TSEN2: variants seen among roughly 807,000 people sequenced by gnomAD.
The protein encoded by TSEN2 is tRNA splicing endonuclease subunit 2.
A neutral mutation model predicts 59.2 loss-of-function variants in TSEN2; 54 were observed. The observed-to-expected ratio is 0.91, with a 90% CI of 0.73 to 1.14. TSEN2 has a LOEUF of 1.14. Among genes scored for constraint, TSEN2 ranks in the 50% most tolerant of loss-of-function variants. The pLI, the probability that TSEN2 is intolerant of heterozygous loss-of-function variation, is 0.00. For synonymous variants in TSEN2, 195 were observed against 198.2 expected (o/e 0.98, Z 0.14); for missense variants, 636 against 576.2 (o/e 1.10, Z -1.06).
At chr3:12,499,985 T>A (rs1304109390) in intron 4 of TSEN2, among the ~76,000 whole-genome samples, 1 of 152,044 alleles carries the variant, frequency 6.6e-6, no homozygotes, top group African/African-American at 2.4e-5. Context: ...CCTGTGCAAA[T>A]GGGAGAGGTG....
intron 3 of TSEN2, among the ~76,000 whole-genome samples, chr3:12,493,210 T>C (rs1408448343): frequency 6.6e-6 from 1 of 152,262 alleles, no homozygotes; most frequent in African/African-American, 2.4e-5. Flanking sequence ...TTGGCTTTTC[T>C]GAATAATACT....
At chr3:12,511,429 A>T (rs137938087) in intron 6 of TSEN2, among the ~76,000 whole-genome samples, 1 of 152,340 alleles carries the variant, frequency 6.6e-6, no homozygotes, top group East Asian at 1.9e-4. Flanking sequence ...TGAAGAAAAG[A>T]TTCATGGTGT....
At chr3:12,519,387 A>G (rs1488329349) in intron 8 of TSEN2, among the ~76,000 whole-genome samples, 190 bp downstream of exon 8, 2 of 152,220 alleles carry the variant, frequency 1.3e-5, no homozygotes, top group Admixed American at 1.3e-4. Flanking sequence ...TCTAGGGAGA[A>G]GGCCTAGGAG....
intron 7 of TSEN2, among the ~76,000 whole-genome samples, chr3:12,517,165 GC>G (rs2056213229): frequency 6.6e-6 from 1 of 151,892 alleles, no homozygotes; most frequent in Non-Finnish European, 1.5e-5. Flanking sequence ...GGCTATCCTG[GC>G]TAACATGGTG....
downstream of TSEN2, among the ~76,000 whole-genome samples, chr3:12,538,131 AT>A (rs560699483): frequency 3.0e-4 from 45 of 152,340 alleles, 1 homozygote; most frequent in Admixed American, 6.5e-4. Flanking sequence ...ATTCTTTCCC[AT>A]TGACGTTAAC....
chr3:12,534,834 G>T (rs1298522253), downstream of TSEN2, among the ~76,000 whole-genome samples: 2 of 150,390 alleles, frequency 1.3e-5, no homozygotes, highest in African/African-American at 4.9e-5. Context: ...GATTAGCTGG[G>T]TGTGGTGGTG....
At chr3:12,505,763 G>A (rs1236058876) in intron 6 of TSEN2, among the ~76,000 whole-genome samples, 1 of 129,538 alleles carries the variant, frequency 7.7e-6, no homozygotes, top group Admixed American at 8.7e-5. Context: ...CAGCCTGGGT[G>A]ACAGAATGAA....
intron 10 of TSEN2, 77 bp downstream of exon 10, chr3:12,529,950 A>G: frequency 6.4e-7 from 1 of 1,566,194 alleles, no homozygotes. Flanking sequence ...ATGTAGTAGA[A>G]TCAAAAAAGT....
intron 1 of TSEN2, among the ~76,000 whole-genome samples, chr3:12,486,547 A>G (rs934897924): frequency 2.6e-5 from 4 of 152,246 alleles, no homozygotes; most frequent in Admixed American, 2.0e-4. Flanking sequence ...TTTTTAAAAT[A>G]GCTTTATTGA....
At chr3:12,515,691 T>G (rs2055993103) in intron 6 of TSEN2, among the ~76,000 whole-genome samples, 1 of 152,216 alleles carries the variant, frequency 6.6e-6, no homozygotes. Context: ...TAAGTGTGAC[T>G]ATATTCAACT....
intron 1 of TSEN2, among the ~76,000 whole-genome samples, chr3:12,485,864 T>C (rs1001938865): frequency 6.6e-6 from 1 of 152,232 alleles, no homozygotes; most frequent in East Asian, 1.9e-4. Flanking sequence ...GGAATGAGGA[T>C]AGTACAGTCA....
Position 12,539,349 on chromosome 3 carries a change from GTCTGGAAC to G in TSEN2, c.1452_1459del (p.Gly485Ter), listed in dbSNP as rs2057758221. 3.1e-6 allele frequency: 1 copy of G among 320,762 alleles called. No individual in the cohort carries two copies. Among genetic ancestry groups the G allele is most frequent in the Admixed American group, 4.7e-5 (1 of 21,376 alleles). 19.9% of individuals were successfully genotyped at this position (320,762 alleles called of 1,614,324 possible). A position where few individuals can be genotyped will look rare whatever the true frequency, so the allele number is the denominator to read the frequency against. ...GGGTTTCACTATGTTGGCCAGGCTG[GTCTGGAAC>G]TCCTGACCTCAAGTGATCTGCCCGC... On this transcript the variant is annotated frameshift_variant, in exon 11 of 11. Coordinates refer to the TSEN2 transcript ENST00000412698. LOFTEE classifies it high-confidence loss of function.
In TSEN2 at chr3:12,488,847, G is replaced by C. The variant is rs116503569; in HGVS notation, c.-17-937G>C. On this transcript the variant is annotated intron_variant, in intron 1 of 11. Transcript: ENST00000284995. ...GAATCTAGAGAGAGGGCATGGGCTT[G>C]GGAGTTCAACAGACCTGGGTCACCC... Among the ~76,000 whole-genome samples, 300 of 152,318 alleles carry C rather than the reference G, an allele frequency of 2.0e-3. 1 individual carries two copies. Among genetic ancestry groups the C allele is most frequent in the African/African-American group, 6.7e-3 (280 of 41,564 alleles).
chr3:12,483,807 C>G (rs2052314742), upstream of TSEN2, among the ~76,000 whole-genome samples: 1 of 152,222 alleles, frequency 6.6e-6, no homozygotes, highest in Non-Finnish European at 1.5e-5. Flanking sequence ...GAGAAACTTA[C>G]ACTTCCTATT....
intron 6 of TSEN2, among the ~76,000 whole-genome samples, chr3:12,506,359 C>T (rs2054834149): frequency 6.6e-6 from 1 of 152,050 alleles, no homozygotes; most frequent in African/African-American, 2.4e-5. Flanking sequence ...CTCTGGGAGG[C>T]CAAGGCAGGC....
chr3:12,488,463 T>G (rs1284511810), intron 1 of TSEN2, among the ~76,000 whole-genome samples: 2 of 151,870 alleles, frequency 1.3e-5, no homozygotes, highest in Non-Finnish European at 2.9e-5. Flanking sequence ...ACCATTTACA[T>G]TGTTTTCCCA....
intron 1 of TSEN2, among the ~76,000 whole-genome samples, chr3:12,485,921 T>G (rs1272671773): frequency 6.6e-6 from 1 of 151,632 alleles, no homozygotes; most frequent in Admixed American, 6.6e-5. Context: ...CAATGTTGCA[T>G]CAAAAATATT....
downstream of TSEN2, among the ~76,000 whole-genome samples, chr3:12,535,850 A>G (rs1264867212): frequency 2.0e-5 from 3 of 152,184 alleles, no homozygotes; most frequent in Non-Finnish European, 4.4e-5. Context: ...AGAATCAGAA[A>G]ACTCGGGTCC....
At chr3:12,506,564 G>A (rs1474070802) in intron 6 of TSEN2, 1 of 413,530 alleles carries the variant, frequency 2.4e-6, no homozygotes, top group Admixed American at 6.5e-5. Context: ...CACTGCACAA[G>A]CGAGATCCTG....
Sources: gnomAD v4.1 joint callset for allele counts (sites outside exome capture counted in the v4.1 genomes callset) on GRCh38, gnomAD v4.1.1 for gene constraint, MANE v1.5 for transcripts, NCBI Gene and HGNC (gene_info 2026-07-23, HGNC 2026-07-21) for gene names.